Variants in MTHFD2L observed in about 807,000 individuals in gnomAD.
MTHFD2L encodes bifunctional methylenetetrahydrofolate dehydrogenase/cyclohydrolase 2, mitochondrial.
MTHFD2L carries 29 observed loss-of-function variants against 34.9 expected under a neutral mutation model. The ratio of observed to expected loss-of-function variants is 0.83; its 90% confidence interval spans 0.62 to 1.13. The LOEUF (loss-of-function observed/expected upper bound fraction) is 1.13. MTHFD2L is among the 50% of genes most tolerant of loss of function. MTHFD2L has a pLI of 0.00. For synonymous variants in MTHFD2L, 167 were observed against 155.7 expected (o/e 1.07, Z -0.54); for missense variants, 481 against 446.5 (o/e 1.08, Z -0.70).
chr4:74,152,579 A>G (rs1724008179), intron 1 of MTHFD2L, among the ~76,000 whole-genome samples: 1 of 152,064 alleles, frequency 6.6e-6, no homozygotes, highest in Admixed American at 6.5e-5. Context: ...ATATAGGTAT[A>G]CATACACCAT....
rs569349960 is a variant in MTHFD2L at position 74,137,472 on chromosome 4, G to A, written c.-297+11955G>A. On this transcript the variant is annotated intron_variant, in intron 1 of 7. Coordinates refer to the MTHFD2L transcript ENST00000433372. Reference sequence around the variant, plus strand: ...ATCAAAAAGATAGATAATAACAGATGCCGGCAAGGATGTGGAGAAAGGGGA... The same window carrying A: ...ATCAAAAAGATAGATAATAACAGATACCGGCAAGGATGTGGAGAAAGGGGA... 5.8e-4 allele frequency among the ~76,000 whole-genome samples: 89 copies of A among 152,176 alleles called. 2 individuals carry two copies. The South Asian group carries it at 0.018, about 31-fold the overall frequency.
At chr4:74,156,976 A>C (rs1054227925), upstream of MTHFD2L, 1 of 152,128 alleles carries the variant, frequency 6.6e-6, no homozygotes, top group African/African-American at 2.4e-5. Flanking sequence ...ATGTTTTGCG[A>C]ATATTTTCTC....
intron 1 of MTHFD2L, among the ~76,000 whole-genome samples, chr4:74,142,897 A>G (rs778808376): frequency 1.3e-5 from 2 of 152,210 alleles, no homozygotes; most frequent in Non-Finnish European, 2.9e-5. Context: ...CTGCCACTCG[A>G]GTAATCTTTC....
intron 1 of MTHFD2L, among the ~76,000 whole-genome samples, chr4:74,163,167 C>G (rs568377708): frequency 6.6e-6 from 1 of 152,170 alleles, no homozygotes; most frequent in East Asian, 1.9e-4. Flanking sequence ...ATTTCAGTAT[C>G]ACAAAGTTGA....
chr4:74,140,786 G>A (rs1723232589), intron 1 of MTHFD2L, among the ~76,000 whole-genome samples: 1 of 152,156 alleles, frequency 6.6e-6, no homozygotes, highest in South Asian at 2.1e-4. Context: ...CCCAGTGAAG[G>A]GGGAAGCCCC....
At chr4:74,178,916 GC>G (rs904653795) in intron 3 of MTHFD2L, among the ~76,000 whole-genome samples, 19 of 151,994 alleles carry the variant, frequency 1.3e-4, no homozygotes, top group African/African-American at 4.3e-4. Flanking sequence ...GGGCAGACTG[GC>G]CCCCATGCCA....
At chr4:74,167,882 GTT>G (rs1727074477) in intron 1 of MTHFD2L, among the ~76,000 whole-genome samples, 1 of 152,134 alleles carries the variant, frequency 6.6e-6, no homozygotes, top group Admixed American at 6.5e-5. Context: ...GGTCAGAAAT[GTT>G]AGAGTCATGT....
intron 1 of MTHFD2L, 64 bp downstream of exon 1, chr4:74,158,345 CGGCGCTCGCGCGCGTGGGG>C (rs1217386510): frequency 2.6e-6 from 3 of 1,139,684 alleles, no homozygotes; most frequent in Non-Finnish European, 3.2e-6. Context: ...GGGGCGCGGG[CGGCGCTCGCGCGCGTGGGG>C]CCCAAGGCTC....
rs376438681 is a variant in MTHFD2L at position 74,281,565 on chromosome 4, T to C, written c.931+15T>C. ...GGACTTCGAAGGTAATAAACCAATA[T>C]CTTTTGATAGGTGAAGAAGATAAAA... On this transcript the variant is annotated intron_variant, in intron 7 of 7. Transcript: ENST00000325278. The C allele has an allele frequency of 4.0e-5, 64 of 1,603,624 alleles. No homozygotes were observed. The highest frequency in any genetic ancestry group is 5.4e-5 in the Non-Finnish European group (64 of 1,176,172).
intron 1 of MTHFD2L, among the ~76,000 whole-genome samples, chr4:74,147,437 G>C (rs1472525425): frequency 6.6e-6 from 1 of 152,180 alleles, no homozygotes; most frequent in Admixed American, 6.5e-5. Flanking sequence ...TCTACAGCTT[G>C]GTGGTGCTGA....
In MTHFD2L at chr4:74,189,495, T is replaced by C. The variant is rs1377289467; in HGVS notation, c.452-10299T>C. 7.4e-5 allele frequency among the ~76,000 whole-genome samples: 11 copies of C among 148,310 alleles called. No homozygotes were observed. The East Asian group carries it at 1.6e-3, about 21-fold the overall frequency. On this transcript the variant is annotated intron_variant, in intron 3 of 7. Transcript: ENST00000325278. The stretch of plus-strand genomic sequence containing the variant: ...GCAGTGTTTTTCTTCCTTTTTTTTT[T>C]TTTTTTTTTTTTTTTAAAGATTAAT...
Position 74,291,003 on chromosome 4 carries a change from C to CTTTTT in MTHFD2L, c.931+9481_931+9485dup, listed in dbSNP as rs10585551. On this transcript the variant is annotated intron_variant, in intron 7 of 7. Transcript: ENST00000325278. Reference sequence around the variant, plus strand: ...CTGTCTTACATTTATTTTTCCTTTTCTTTTTTTTTTTTTTTTTTTTTTTTT... The same window carrying CTTTTT: ...CTGTCTTACATTTATTTTTCCTTTTCTTTTTTTTTTTTTTTTTTTTTTTTTTTTTT... 4.1e-3 allele frequency among the ~76,000 whole-genome samples: 119 copies of CTTTTT among 29,284 alleles called. 32 individuals are homozygous for CTTTTT. The highest frequency in any genetic ancestry group is 4.2e-3 in the Non-Finnish European group (64 of 15,364). The allele number at this position is 29,284 out of a possible 152,430, so 19.2% of individuals were successfully genotyped here. A position where few individuals can be genotyped will look rare whatever the true frequency, so the allele number is the denominator to read the frequency against.
Position 74,223,293 on chromosome 4 carries a change from A to T in MTHFD2L, c.713-2009A>T, listed in dbSNP as rs1351219620. On this transcript the variant is annotated intron_variant, in intron 5 of 7. Transcript: ENST00000325278. Reference sequence around the variant, plus strand: ...CACCATGGAATACTATGCAGCTATAAAAAAGAATGAGATCACATCCTTTAC... The same window carrying T: ...CACCATGGAATACTATGCAGCTATATAAAAGAATGAGATCACATCCTTTAC... Among the ~76,000 whole-genome samples the T allele has an allele frequency of 2.0e-5, 3 of 152,048 alleles. No individual in the cohort carries two copies. In the East Asian group the frequency reaches 5.8e-4, roughly 29 times the overall value.
intron 7 of MTHFD2L, among the ~76,000 whole-genome samples, chr4:74,298,823 T>C (rs1399895211): frequency 2.6e-5 from 4 of 152,012 alleles, no homozygotes; most frequent in Non-Finnish European, 4.4e-5. Context: ...ACTTTTCTAC[T>C]CGTTTAGGTC....
chr4:74,262,504 T>C (rs1025210975), intron 6 of MTHFD2L, among the ~76,000 whole-genome samples: 3 of 151,890 alleles, frequency 2.0e-5, no homozygotes, highest in Non-Finnish European at 4.4e-5. Context: ...TAACAAAGAA[T>C]TAGTATGCAG....
At chr4:74,286,961 AAAAT>A (rs1300077405) in intron 7 of MTHFD2L, among the ~76,000 whole-genome samples, 3 of 152,224 alleles carry the variant, frequency 2.0e-5, no homozygotes, top group African/African-American at 7.2e-5. Flanking sequence ...TGTTAAAGTA[AAAAT>A]AAATGAGGTT....
chr4:74,145,602 A>G (rs1020743248), intron 1 of MTHFD2L, among the ~76,000 whole-genome samples: 1 of 152,252 alleles, frequency 6.6e-6, no homozygotes, highest in Admixed American at 6.5e-5. Context: ...ACATTTGGAC[A>G]TAAATAATTC....
intron 1 of MTHFD2L, chr4:74,140,575 G>C: frequency 6.1e-6 from 6 of 976,478 alleles, no homozygotes; most frequent in Non-Finnish European, 7.3e-6. Context: ...TACAAAAAAG[G>C]CAATATAATT....
intron 1 of MTHFD2L, among the ~76,000 whole-genome samples, chr4:74,134,486 T>C (rs948490960): frequency 2.6e-5 from 4 of 152,118 alleles, no homozygotes; most frequent in African/African-American, 9.7e-5. Flanking sequence ...TTAAGATTCA[T>C]AAGCAACTGT....
Sources: gnomAD v4.1 joint callset for allele counts (sites outside exome capture counted in the v4.1 genomes callset) on GRCh38, gnomAD v4.1.1 for gene constraint, MANE v1.5 for transcripts, NCBI Gene and HGNC (gene_info 2026-07-23, HGNC 2026-07-21) for gene names.